The following GABRG2 variants were observed in gnomAD, a reference collection of about 807,000 sequenced individuals.
GABRG2 encodes the protein gamma-aminobutyric acid receptor subunit gamma-2.
GABRG2 carries 16 observed loss-of-function variants against 56.4 expected under a neutral mutation model. The ratio of observed to expected loss-of-function variants is 0.28; its 90% CI spans 0.19 to 0.43. GABRG2 has a LOEUF of 0.43. Ranked by LOEUF, GABRG2 falls within the 20% of genes least tolerant of loss-of-function variation. The probability of loss-of-function intolerance (pLI) is 1.00; values close to 1 mark genes in which losing one functional copy is unlikely to be tolerated. For synonymous variants in GABRG2, 208 were observed against 205.5 expected, an observed-to-expected ratio of 1.01 and a Z score of -0.10; for missense variants, 327 against 582.7, an observed-to-expected ratio of 0.56 and a Z score of 4.52.
At chr5:162,101,576 G>T (rs1761419389) in intron 5 of GABRG2, 2 of 473,768 alleles carry the variant, frequency 4.2e-6, no homozygotes, top group Non-Finnish European at 3.8e-6. Flanking sequence ...TGGTTGCATA[G>T]AGCCTTTTTT....
intron 6 of GABRG2, among the ~76,000 whole-genome samples, chr5:162,104,399 A>G (rs1441664049): frequency 6.6e-6 from 1 of 152,178 alleles, no homozygotes; most frequent in African/African-American, 2.4e-5. Flanking sequence ...CAAATGCAGA[A>G]AAGTAAGCAT....
chr5:162,131,993 GC>G (rs909372949), intron 6 of GABRG2, among the ~76,000 whole-genome samples: 1 of 151,612 alleles, frequency 6.6e-6, no homozygotes, highest in African/African-American at 2.4e-5. Flanking sequence ...TCCTAGTAGA[GC>G]CTTCGGCACC....
chr5:162,097,975 A>T, intron 4 of GABRG2, 117 bp downstream of exon 4: 1 of 875,360 alleles, frequency 1.1e-6, no homozygotes, highest in Non-Finnish European at 1.8e-6. Context: ...AGACTGCATC[A>T]GGGTTGGCAT....
intron 6 of GABRG2, among the ~76,000 whole-genome samples, chr5:162,108,990 T>G (rs1762037536): frequency 6.6e-6 from 1 of 152,264 alleles, no homozygotes; most frequent in African/African-American, 2.4e-5. Context: ...GCAGCATGAT[T>G]TATATTTCTT....
chr5:162,094,005 C>T (rs1478253550), intron 2 of GABRG2, 26 bp downstream of exon 2: 2 of 1,611,236 alleles, frequency 1.2e-6, no homozygotes, highest in South Asian at 2.2e-5. Context: ...TTGCGTTGTG[C>T]TATAGATAGG....
chr5:162,127,101 G>A (rs924294158), intron 6 of GABRG2, among the ~76,000 whole-genome samples: 3 of 152,024 alleles, frequency 2.0e-5, no homozygotes, highest in East Asian at 1.9e-4. Context: ...GATAATAAAA[G>A]TCTTAAGTAC....
chr5:162,143,922 A>C (rs1299652523), intron 7 of GABRG2, among the ~76,000 whole-genome samples: 3 of 152,218 alleles, frequency 2.0e-5, no homozygotes, highest in Non-Finnish European at 4.4e-5. Flanking sequence ...CATCATTTGC[A>C]TATCTGTCCT....
intron 1 of GABRG2, among the ~76,000 whole-genome samples, chr5:162,070,367 G>A (rs539288537): frequency 6.6e-6 from 1 of 152,082 alleles, no homozygotes; most frequent in Admixed American, 6.6e-5. Context: ...GAATTGTTGA[G>A]TAGGACTGGA....
At chr5:162,096,185 T>C (rs2113313553) in intron 3 of GABRG2, among the ~76,000 whole-genome samples, 2 of 152,180 alleles carry the variant, frequency 1.3e-5, no homozygotes, top group South Asian at 4.1e-4. Context: ...AGTGAGAGAT[T>C]GATGTGCCAA....
Position 162,101,134 on chromosome 5 carries a change from T to C in GABRG2, c.549-101T>C, listed in dbSNP as rs1176233228. The C allele has an allele frequency of 3.6e-6, 3 of 828,758 alleles. No homozygotes were observed. In the African/African-American group the frequency reaches 5.1e-5, roughly 14 times the overall value. 51.3% of individuals were successfully genotyped at this position (828,758 alleles called of 1,614,324 possible). ...GATCACTCTGTGTTTTCAATCAGAA[T>C]GTGAGATATTCTCTAGAAAAACAAT... On this transcript the variant is annotated intron_variant, in intron 4 of 9. Transcript: ENST00000639213.
chr5:162,124,165 T>A (rs1365277878), intron 6 of GABRG2, among the ~76,000 whole-genome samples: 2 of 151,958 alleles, frequency 1.3e-5, no homozygotes, highest in African/African-American at 4.8e-5. Flanking sequence ...AGGATAGTAG[T>A]ATAAATAAAG....
intron 6 of GABRG2, among the ~76,000 whole-genome samples, chr5:162,120,212 T>C (rs530254850): frequency 6.6e-6 from 1 of 152,264 alleles, no homozygotes; most frequent in East Asian, 1.9e-4. Flanking sequence ...CATTCAATTT[T>C]TGGCCCATGG....
At chr5:162,129,183 C>G (rs1402226614) in intron 6 of GABRG2, 1 of 151,906 alleles carries the variant, frequency 6.6e-6, no homozygotes, top group Non-Finnish European at 1.5e-5. Flanking sequence ...AGTTTGTGAT[C>G]AATGTTTATG....
chr5:162,072,984 A>G (rs1458510198), intron 1 of GABRG2, among the ~76,000 whole-genome samples: 1 of 151,916 alleles, frequency 6.6e-6, no homozygotes, highest in Admixed American at 6.6e-5. Context: ...TGGGGTCTCA[A>G]TCCATCAATA....
At chr5:162,142,363 A>C in intron 7 of GABRG2, 47 bp downstream of exon 7, 1 of 1,587,770 alleles carries the variant, frequency 6.3e-7, no homozygotes, top group Non-Finnish European at 8.6e-7. Context: ...TAAGTACCAA[A>C]TACAAGTAAT....
At chr5:162,082,051 TC>T (rs1759707356) in intron 1 of GABRG2, among the ~76,000 whole-genome samples, 1 of 151,904 alleles carries the variant, frequency 6.6e-6, no homozygotes, top group Non-Finnish European at 1.5e-5. Flanking sequence ...GAAGTTTTTT[TC>T]CCCTTGAGAG....
At position 162,154,158 on chromosome 5, in the gene GABRG2, A is replaced by G. The variant is rs1175460452; in HGVS notation, c.*790A>G. On this transcript the variant is annotated 3_prime_UTR_variant, in exon 10 of 10. Coordinates refer to ENST00000639213, the MANE Select transcript of GABRG2 (RefSeq NM_198904.4). Reference sequence around the variant, plus strand: ...ATGACATATTACAACACTTTAAGTAAAATATAGACTGGATAATCAACATTT... The same window carrying G: ...ATGACATATTACAACACTTTAAGTAGAATATAGACTGGATAATCAACATTT... 1 of 152,190 alleles carries G rather than the reference A, an allele frequency of 6.6e-6. No individual in the cohort carries two copies. The highest frequency in any genetic ancestry group is 6.6e-5 in the Admixed American group (1 of 15,262). 9.4% of individuals were successfully genotyped at this position (152,190 alleles called of 1,614,324 possible). A position where few individuals can be genotyped will look rare whatever the true frequency, so the allele number is the denominator to read the frequency against.
At chr5:162,094,688 G>C (rs150167875) in intron 2 of GABRG2, 1 of 152,576 alleles carries the variant, frequency 6.6e-6, no homozygotes, top group East Asian at 1.9e-4. Flanking sequence ...GAGAAGGCAA[G>C]GATGTGAATG....
chr5:162,112,381 C>A lies in GABRG2; in HGVS notation c.769+8355C>A, dbSNP rs567030518. On this transcript the variant is annotated intron_variant, in intron 6 of 9. Coordinates refer to ENST00000639213, the MANE Select transcript of GABRG2 (RefSeq NM_198904.4). ...TAACTAATAGATCTCTAATAAACAGCTACTGCCCCAAAATAAATTTGAAAG... is the reference window on the plus strand; with the variant it reads ...TAACTAATAGATCTCTAATAAACAGATACTGCCCCAAAATAAATTTGAAAG... Among the ~76,000 whole-genome samples, 9 of 148,536 alleles carry A rather than the reference C, an allele frequency of 6.1e-5. No individual in the cohort carries two copies. The East Asian group carries it at 1.6e-3, about 26-fold the overall frequency.
Sources: gnomAD v4.1 joint callset for allele counts (sites outside exome capture counted in the v4.1 genomes callset) on GRCh38, gnomAD v4.1.1 for gene constraint, MANE v1.5 for transcripts, NCBI Gene and HGNC (gene_info 2026-07-23, HGNC 2026-07-21) for gene names.